STX8: variants seen among roughly 807,000 people sequenced by gnomAD.
The protein encoded by STX8 is syntaxin 8.
STX8 carries 23 observed loss-of-function variants against 37.5 expected under a neutral mutation model. That is an observed-to-expected ratio of 0.61 (90% CI 0.44 to 0.87). The LOEUF is 0.87. Among genes scored for constraint, STX8 ranks in the 40% least tolerant of loss-of-function variants. STX8 has a pLI of 0.00. For synonymous variants in STX8, 115 were observed against 99.1 expected, an observed-to-expected ratio of 1.16 and a Z score of -0.95; for missense variants, 313 against 284.7, an observed-to-expected ratio of 1.10 and a Z score of -0.71.
rs548327621 is a variant in STX8 at position 9,434,994 on chromosome 17, A to G, written c.542-56341T>C. Among the ~76,000 whole-genome samples, 36 of 152,296 alleles carry G rather than the reference A, an allele frequency of 2.4e-4. No individual in the cohort carries two copies. The East Asian group carries it at 6.6e-3, about 28-fold the overall frequency. On this transcript the variant is annotated intron_variant, in intron 6 of 7. Transcript: ENST00000306357. ...GTGAGGGCAACTGGAGGTCACTTTC[A>G]TCACCATTTGCTGGTTTCAGCTGGC...
At chr17:9,398,114 CTCTT>C (rs1395560068) in intron 6 of STX8, among the ~76,000 whole-genome samples, 1 of 152,050 alleles carries the variant, frequency 6.6e-6, no homozygotes, top group Non-Finnish European at 1.5e-5. Context: ...GTGTAACTCT[CTCTT>C]TCTTAGGTGT....
chr17:9,281,259 ATT>A (rs1907870267), intron 7 of STX8, among the ~76,000 whole-genome samples: 1 of 152,112 alleles, frequency 6.6e-6, no homozygotes, highest in African/African-American at 2.4e-5. Flanking sequence ...AGTGTTGTGG[ATT>A]TCATAGACAC....
chr17:9,350,153 G>C (rs1433158690), intron 7 of STX8, among the ~76,000 whole-genome samples: 5 of 151,826 alleles, frequency 3.3e-5, no homozygotes, highest in African/African-American at 7.2e-5. Flanking sequence ...AGCTGGATGT[G>C]AGGAGCAGAT....
intron 6 of STX8, among the ~76,000 whole-genome samples, chr17:9,453,347 A>G (rs973427793): frequency 3.3e-5 from 5 of 152,156 alleles, no homozygotes; most frequent in African/African-American, 1.2e-4. Flanking sequence ...AGAAAACACT[A>G]TTGTAATTAA....
At chr17:9,355,018 G>A (rs1910830478) in intron 7 of STX8, among the ~76,000 whole-genome samples, 1 of 152,176 alleles carries the variant, frequency 6.6e-6, no homozygotes, top group South Asian at 2.1e-4. Context: ...TCCTTTGAAA[G>A]TAATCTGTTG....
Position 9,288,383 on chromosome 17 carries a change from C to T in STX8, c.644-37738G>A, listed in dbSNP as rs186948001. ...GCAGCTATAAAGAATTTCAATGGGC[C>T]GGGCGCGGTGGCTCACGCCTGTAAT... On this transcript the variant is annotated intron_variant, in intron 7 of 7. Transcript: ENST00000306357. 6.9e-3 allele frequency among the ~76,000 whole-genome samples: 1,054 copies of T among 151,984 alleles called. 19 individuals are homozygous for T. Among genetic ancestry groups the T allele is most frequent in the Admixed American group, 0.034 (514 of 15,290 alleles).
intron 7 of STX8, among the ~76,000 whole-genome samples, chr17:9,283,538 TCAAA>T (rs775686115): frequency 3.3e-5 from 5 of 152,326 alleles, no homozygotes; most frequent in Admixed American, 1.3e-4. Context: ...AGACTCCATC[TCAAA>T]CAAACAAACA....
At chr17:9,403,363 G>A (rs927214812) in intron 6 of STX8, among the ~76,000 whole-genome samples, 3 of 152,222 alleles carry the variant, frequency 2.0e-5, no homozygotes, top group African/African-American at 7.2e-5. Context: ...CCATGGCTCA[G>A]TTGTGAATGA....
chr17:9,407,312 A>C (rs536179857), intron 6 of STX8, among the ~76,000 whole-genome samples: 5 of 152,334 alleles, frequency 3.3e-5, no homozygotes, highest in African/African-American at 1.2e-4. Flanking sequence ...TAAAGGCATG[A>C]GCCACCCCAC....
rs199724905 is a variant in STX8 at position 9,498,403 on chromosome 17, A to G, written c.449-6482T>C. ...AGACACCATCTCAAAAAAAAAAAAC[A>G]AAAGAAAAGAAAAATTAGGTCAAGC... is the stretch of plus-strand genomic sequence containing the variant. On this transcript the variant is annotated intron_variant, in intron 5 of 7. Coordinates refer to ENST00000306357, the MANE Select transcript of STX8 (RefSeq NM_004853.3). Among the ~76,000 whole-genome samples, 29 of 104,468 alleles carry G rather than the reference A, an allele frequency of 2.8e-4. No individual in the cohort carries two copies. In the East Asian group the frequency reaches 8.1e-3, roughly 29 times the overall value. 68.5% of individuals were successfully genotyped at this position (104,468 alleles called of 152,430 possible).
intron 7 of STX8, among the ~76,000 whole-genome samples, chr17:9,313,431 C>G (rs980930447): frequency 6.6e-6 from 1 of 152,176 alleles, no homozygotes; most frequent in African/African-American, 2.4e-5. Flanking sequence ...ACAATCAGCA[C>G]CAATAGATCC....
At chr17:9,492,410 C>T (rs147474017) in intron 5 of STX8, among the ~76,000 whole-genome samples, 91 of 152,266 alleles carry the variant, frequency 6.0e-4, no homozygotes, top group Admixed American at 1.4e-3. Context: ...TAAATTGTGA[C>T]GATCTAGAAG....
chr17:9,470,875 C>T (rs1205009117), intron 6 of STX8, among the ~76,000 whole-genome samples: 16 of 143,846 alleles, frequency 1.1e-4, no homozygotes, highest in East Asian at 6.4e-4. Flanking sequence ...TACAGGTGCC[C>T]GCCACCATGC....
At chr17:9,394,049 T>C (rs1912316440) in intron 6 of STX8, among the ~76,000 whole-genome samples, 1 of 152,000 alleles carries the variant, frequency 6.6e-6, no homozygotes, top group South Asian at 2.1e-4. Flanking sequence ...GAGAACACAG[T>C]ATGTAAAGAA....
intron 4 of STX8, among the ~76,000 whole-genome samples, chr17:9,520,623 C>T (rs911618834): frequency 6.6e-6 from 1 of 152,146 alleles, no homozygotes; most frequent in African/African-American, 2.4e-5. Context: ...CTTCTAAAGA[C>T]ATAAAATGAT....
intron 5 of STX8, among the ~76,000 whole-genome samples, chr17:9,496,482 G>C (rs573285291): frequency 6.6e-6 from 1 of 152,296 alleles, no homozygotes; most frequent in South Asian, 2.1e-4. Context: ...GAGGGCAATT[G>C]TAACATACCA....
At chr17:9,549,691 A>C (rs1906686291) in intron 3 of STX8, among the ~76,000 whole-genome samples, 1 of 152,108 alleles carries the variant, frequency 6.6e-6, no homozygotes, top group Non-Finnish European at 1.5e-5. Flanking sequence ...TTTATATTTT[A>C]ATCTACGGAG....
chr17:9,337,921 G>T (rs997508747), intron 7 of STX8, among the ~76,000 whole-genome samples: 1 of 152,116 alleles, frequency 6.6e-6, no homozygotes, highest in South Asian at 2.1e-4. Context: ...TTGAGAAAGG[G>T]TGCAGTGTGG....
intron 7 of STX8, among the ~76,000 whole-genome samples, chr17:9,337,224 T>C (rs913810669): frequency 1.3e-5 from 2 of 152,140 alleles, no homozygotes; most frequent in African/African-American, 4.8e-5. Flanking sequence ...TTTCCCAGAA[T>C]ACAAAACACT....
Sources: gnomAD v4.1 joint callset for allele counts (sites outside exome capture counted in the v4.1 genomes callset) on GRCh38, gnomAD v4.1.1 for gene constraint, MANE v1.5 for transcripts, NCBI Gene and HGNC (gene_info 2026-07-23, HGNC 2026-07-21) for gene names.